The following CRIM1 variants were observed in gnomAD, a reference collection of about 807,000 sequenced individuals.
CRIM1 encodes cysteine-rich motor neuron 1 protein.
In CRIM1, 32 loss-of-function variants were observed where a neutral mutation model predicts 116.4. That is an observed-to-expected ratio of 0.27 (90% CI 0.21 to 0.37). CRIM1 has a LOEUF of 0.37. Ranked by LOEUF, CRIM1 falls within the 10% of genes least tolerant of loss-of-function variation. The probability of loss-of-function intolerance (pLI) is 1.00; values close to 1 mark genes in which losing one functional copy is unlikely to be tolerated. For missense variants in CRIM1, 1,331 were observed against 1,354.8 expected (o/e 0.98, Z 0.28); for synonymous variants, 590 against 509.2 (o/e 1.16, Z -2.13).
intron 5 of CRIM1, among the ~76,000 whole-genome samples, chr2:36,474,249 C>T (rs566692037): frequency 6.6e-6 from 1 of 152,186 alleles, no homozygotes; most frequent in East Asian, 1.9e-4. Context: ...TATATGATTG[C>T]AAATACTTTC....
intron 8 of CRIM1, among the ~76,000 whole-genome samples, chr2:36,507,460 C>T (rs1681511023): frequency 6.6e-6 from 1 of 152,192 alleles, no homozygotes; most frequent in Non-Finnish European, 1.5e-5. Flanking sequence ...TGAATACCCA[C>T]TCTGTACCAA....
intron 4 of CRIM1, among the ~76,000 whole-genome samples, chr2:36,463,669 G>C (rs911108578): frequency 2.0e-5 from 3 of 152,098 alleles, no homozygotes; most frequent in Non-Finnish European, 4.4e-5. Context: ...TTTCATTGTA[G>C]CAGATGCAAC....
chr2:36,370,782 C>A (rs963667244), intron 1 of CRIM1, among the ~76,000 whole-genome samples: 1 of 152,064 alleles, frequency 6.6e-6, no homozygotes, highest in Non-Finnish European at 1.5e-5. Context: ...GAACAGTGAA[C>A]TTTTTTTCTT....
intron 1 of CRIM1, among the ~76,000 whole-genome samples, chr2:36,364,448 G>C (rs1379473283): frequency 6.6e-6 from 1 of 152,192 alleles, no homozygotes; most frequent in African/African-American, 2.4e-5. Context: ...ATTACAATCA[G>C]TTCAGTAAGC....
chr2:36,387,314 CT>C (rs1671241499), intron 1 of CRIM1, among the ~76,000 whole-genome samples: 1 of 152,162 alleles, frequency 6.6e-6, no homozygotes, highest in South Asian at 2.1e-4. Flanking sequence ...CTCCAAAATA[CT>C]TTTTTCCTCA....
At chr2:36,361,436 A>G (rs563471679) in intron 1 of CRIM1, among the ~76,000 whole-genome samples, 21 of 152,094 alleles carry the variant, frequency 1.4e-4, no homozygotes, top group Non-Finnish European at 2.6e-4. Context: ...TGAAGATGCA[A>G]TGACCGGGAT....
At chr2:36,506,775 A>G (rs575009729) in intron 8 of CRIM1, among the ~76,000 whole-genome samples, 3 of 152,262 alleles carry the variant, frequency 2.0e-5, no homozygotes, top group South Asian at 4.1e-4. Context: ...GCCTCAAGTG[A>G]TGTACTAAAG....
chr2:36,425,775 C>G (rs1028272688), intron 2 of CRIM1, among the ~76,000 whole-genome samples: 54 of 152,252 alleles, frequency 3.5e-4, no homozygotes, highest in African/African-American at 1.3e-3. Flanking sequence ...GAGGTTATTG[C>G]TAAATACGAA....
intron 1 of CRIM1, among the ~76,000 whole-genome samples, chr2:36,391,972 G>A (rs1671646806): frequency 6.6e-6 from 1 of 152,144 alleles, no homozygotes; most frequent in Non-Finnish European, 1.5e-5. Context: ...CTTGATCGAA[G>A]CAATACAAAT....
intron 2 of CRIM1, among the ~76,000 whole-genome samples, chr2:36,440,915 C>T (rs924747890): frequency 6.6e-6 from 1 of 152,182 alleles, no homozygotes; most frequent in South Asian, 2.1e-4. Flanking sequence ...AAAGATCTTT[C>T]AGTTACTCAA....
intron 7 of CRIM1, among the ~76,000 whole-genome samples, chr2:36,496,421 G>C (rs1407511521): frequency 6.6e-6 from 1 of 152,120 alleles, no homozygotes; most frequent in African/African-American, 2.4e-5. Flanking sequence ...ATAAAAATTT[G>C]AAATGGCTGT....
chr2:36,468,453 C>T (rs1451942059), intron 5 of CRIM1, among the ~76,000 whole-genome samples: 1 of 152,156 alleles, frequency 6.6e-6, no homozygotes, highest in Non-Finnish European at 1.5e-5. Flanking sequence ...TTTGTAACTG[C>T]ATTCTCTGAC....
intron 1 of CRIM1, among the ~76,000 whole-genome samples, chr2:36,381,667 A>G (rs1053499747): frequency 2.6e-4 from 40 of 152,168 alleles, no homozygotes; most frequent in Admixed American, 2.6e-3. Context: ...CGTGCCTGTA[A>G]TCCCAGCTAC....
At chr2:36,473,892 C>G (rs1318711241) in intron 5 of CRIM1, among the ~76,000 whole-genome samples, 1 of 152,076 alleles carries the variant, frequency 6.6e-6, no homozygotes, top group Non-Finnish European at 1.5e-5. Context: ...AGTAGAGTTG[C>G]TTGATGATAT....
intron 1 of CRIM1, among the ~76,000 whole-genome samples, chr2:36,384,129 C>T (rs1670990622): frequency 6.6e-6 from 1 of 152,184 alleles, no homozygotes. Context: ...TAATGGTCTG[C>T]CAAAGTCTTG....
At position 36,513,598 on chromosome 2, in the gene CRIM1, G is replaced by T; in HGVS notation, c.1823G>T (p.Cys608Phe). 1 of 1,614,172 alleles carries T rather than the reference G, an allele frequency of 6.2e-7. No homozygotes were observed. Residue 608 changes from cysteine (C) to phenylalanine (F), a missense_variant, in exon 11 of 17, where the codon TGT (cysteine) becomes TTT (phenylalanine). Coordinates refer to ENST00000280527, the MANE Select transcript of CRIM1 (RefSeq NM_016441.3). ...GGGCCACCCATCCTGTCGGGCACTT[G>T]TCTCACCGTGGATGGTCATCATCAT... The part of the protein sequence containing the change: ...SAGPPILSGT[C>F]LTVDGHHHKN...
chr2:36,428,169 A>G (rs1315110615), intron 2 of CRIM1, among the ~76,000 whole-genome samples: 1 of 152,238 alleles, frequency 6.6e-6, no homozygotes, highest in African/African-American at 2.4e-5. Context: ...TAGGATGATG[A>G]CTGTGTGTTT....
At chr2:36,511,514 A>G (rs577105084) in intron 9 of CRIM1, among the ~76,000 whole-genome samples, 95 of 152,322 alleles carry the variant, frequency 6.2e-4, no homozygotes, top group Non-Finnish European at 7.9e-4. Context: ...TTGTATCACA[A>G]TAGTAGGTAG....
intron 7 of CRIM1, among the ~76,000 whole-genome samples, chr2:36,483,033 G>T (rs562923909): frequency 6.6e-6 from 1 of 152,188 alleles, no homozygotes; most frequent in African/African-American, 2.4e-5. Context: ...TTTTAAATTG[G>T]CACTTAAGTA....
Sources: gnomAD v4.1 joint callset for allele counts (sites outside exome capture counted in the v4.1 genomes callset) on GRCh38, gnomAD v4.1.1 for gene constraint, MANE v1.5 for transcripts, NCBI Gene and HGNC (gene_info 2026-07-23, HGNC 2026-07-21) for gene names.